Variants in NT5DC1 observed in about 807,000 individuals in gnomAD.
NT5DC1 encodes 5'-nucleotidase domain containing 1.
Under a neutral mutation model 59.4 loss-of-function variants are expected in NT5DC1, and 42 were observed. The ratio of observed to expected loss-of-function variants is 0.71; its 90% confidence interval spans 0.55 to 0.92. NT5DC1 has a LOEUF of 0.92. Among genes scored for constraint, NT5DC1 ranks in the 40% least tolerant of loss-of-function variants. NT5DC1 has a pLI of 0.00. For synonymous variants in NT5DC1, 172 were observed against 188.1 expected, an observed-to-expected ratio of 0.91 and a Z score of 0.70; for missense variants, 501 against 537.1, an observed-to-expected ratio of 0.93 and a Z score of 0.66.
At position 116,128,217 on chromosome 6, in the gene NT5DC1, C is replaced by A. The variant is rs555712413; in HGVS notation, c.529+10272C>A. 5.3e-5 allele frequency among the ~76,000 whole-genome samples: 8 copies of A among 152,266 alleles called. No homozygotes were observed. In the East Asian group the frequency reaches 1.3e-3, roughly 26 times the overall value. ...TATTGAATAAGCCTTGGACATTCAA[C>A]CCTTTTTGCAAATAGTGTACTTATT... On this transcript the variant is annotated intron_variant, in intron 6 of 11. Coordinates refer to ENST00000319550, the MANE Select transcript of NT5DC1 (RefSeq NM_152729.3).
intron 6 of NT5DC1, among the ~76,000 whole-genome samples, chr6:116,165,061 C>T (rs188631575): frequency 2.3e-4 from 32 of 136,562 alleles, no homozygotes; most frequent in Middle Eastern, 4.1e-3. Context: ...TGCACCACTG[C>T]GCTTCAGTCT....
chr6:116,147,610 G>T (rs1779931085), intron 6 of NT5DC1, among the ~76,000 whole-genome samples: 1 of 151,988 alleles, frequency 6.6e-6, no homozygotes, highest in Non-Finnish European at 1.5e-5. Context: ...AATTATAAAT[G>T]GCCTTAAACC....
Position 116,101,010 on chromosome 6 carries a change from C to G in NT5DC1, c.80C>G (p.Pro27Arg), listed in dbSNP as rs1778631678. 1.3e-6 allele frequency: 2 copies of G among 1,598,670 alleles called. No homozygotes were observed. Among genetic ancestry groups the G allele is most frequent in the Non-Finnish European group, 8.5e-7 (1 of 1,174,152 alleles). The change falls in exon 1 of 12, where the codon CCC (proline) becomes CGC (arginine). Residue 27 changes from proline (P) to arginine (R), a missense_variant. Coordinates refer to ENST00000319550, the MANE Select transcript of NT5DC1 (RefSeq NM_152729.3). Reference sequence around the variant, plus strand: ...CACACTCTGTGTCGCTACAACCTGCCCGAGAGCGCCCCGGTGAGTGGCGCG... The same window carrying G: ...CACACTCTGTGTCGCTACAACCTGCGCGAGAGCGCCCCGGTGAGTGGCGCG... ...LDHTLCRYNL[P>R]ESAPLIYNSF...
chr6:116,155,089 A>G (rs1039171331), intron 6 of NT5DC1, among the ~76,000 whole-genome samples: 1 of 152,198 alleles, frequency 6.6e-6, no homozygotes, highest in Admixed American at 6.5e-5. Flanking sequence ...TGCAAAAGTA[A>G]TTGCGGTTTT....
At chr6:116,138,664 G>A (rs1269106731) in intron 6 of NT5DC1, among the ~76,000 whole-genome samples, 1 of 152,116 alleles carries the variant, frequency 6.6e-6, no homozygotes, top group Non-Finnish European at 1.5e-5. Context: ...AGAATAGTAT[G>A]ACTAAAAACT....
chr6:116,115,478 C>G lies in NT5DC1; in HGVS notation c.365-213C>G, dbSNP rs561003795. On this transcript the variant is annotated intron_variant, in intron 4 of 11. Transcript: ENST00000319550. ...TATCTTCGAATACAATGCTTAACTT[C>G]TAGATATCATCTTTTAACTTTCTTG... Among the ~76,000 whole-genome samples the G allele has an allele frequency of 5.3e-4, 80 of 152,292 alleles. 1 individual carries two copies. The highest frequency in any genetic ancestry group is 6.8e-3 in the Middle Eastern group (2 of 294).
chr6:116,127,817 A>G (rs922977452), intron 6 of NT5DC1, among the ~76,000 whole-genome samples: 1 of 152,192 alleles, frequency 6.6e-6, no homozygotes, highest in Non-Finnish European at 1.5e-5. Context: ...GTGAACGTTC[A>G]GAAGACTAAT....
At chr6:116,166,842 A>G (rs1226571758) in intron 6 of NT5DC1, among the ~76,000 whole-genome samples, 1 of 152,210 alleles carries the variant, frequency 6.6e-6, no homozygotes, top group Non-Finnish European at 1.5e-5. Context: ...AGACGAAAGG[A>G]CTGAAATTCT....
chr6:116,116,164 G>T (rs187022174), intron 5 of NT5DC1, among the ~76,000 whole-genome samples: 70 of 151,926 alleles, frequency 4.6e-4, no homozygotes, highest in Non-Finnish European at 4.6e-4. Context: ...TAGAAAAATC[G>T]GATGAAATTT....
chr6:116,100,860 C>G lies in NT5DC1; in HGVS notation c.-71C>G. ...CGCCGCGTCCGGCCCGGTCCTGTCC[C>G]GCAGCGTCCCGCCAGCCAGCTCCTT... On this transcript the variant is annotated 5_prime_UTR_variant, in exon 1 of 12. Coordinates refer to ENST00000319550, the MANE Select transcript of NT5DC1 (RefSeq NM_152729.3). 1 of 1,230,928 alleles carries G rather than the reference C, an allele frequency of 8.1e-7. No individual in the cohort carries two copies. 76.3% of individuals were successfully genotyped at this position (1,230,928 alleles called of 1,614,324 possible).
Position 116,244,008 on chromosome 6 carries a change from C to CCAGTGG in NT5DC1, c.1352_1353insCAGTGG (p.Thr451_Leu452insSerGly). ...CCACTGGTCTTATCAAGTGATGAGA[C>CCAGTGG]ACTGATATCCAAATAAGTTGTCTTT... On this transcript the variant is annotated inframe_insertion, in exon 12 of 12. Coordinates refer to ENST00000319550, the MANE Select transcript of NT5DC1 (RefSeq NM_152729.3). 7.2e-7 allele frequency: 1 copy of CCAGTGG among 1,387,226 alleles called. No individual in the cohort carries two copies. Among genetic ancestry groups the CCAGTGG allele is most frequent in the Non-Finnish European group, 1.0e-6 (1 of 988,302 alleles). The allele number at this position is 1,387,226 out of a possible 1,614,324, so 85.9% of individuals were successfully genotyped here.
At chr6:116,131,388 T>TA (rs1400188566) in intron 6 of NT5DC1, among the ~76,000 whole-genome samples, 1 of 152,202 alleles carries the variant, frequency 6.6e-6, no homozygotes, top group Non-Finnish European at 1.5e-5. Context: ...TCCTTTTTAT[T>TA]AAAAAATGTA....
At chr6:116,138,554 G>A (rs1189735974) in intron 6 of NT5DC1, among the ~76,000 whole-genome samples, 1 of 151,912 alleles carries the variant, frequency 6.6e-6, no homozygotes, top group South Asian at 2.1e-4. Context: ...TAATTGAAAA[G>A]CAAATAGTGC....
rs1201780206 is a variant in NT5DC1 at position 116,242,452 on chromosome 6, C to T, written c.1253-1457C>T. ...GTTTGAAAGTTTAAATATCAAAAGA[C>T]GGACGAAATAATACCATGCTAACAG... On this transcript the variant is annotated intron_variant, in intron 11 of 11. Transcript: ENST00000319550. 3.4e-5 allele frequency among the ~76,000 whole-genome samples: 5 copies of T among 148,504 alleles called. No homozygotes were observed. The East Asian group carries it at 5.9e-4, about 17-fold the overall frequency.
intron 6 of NT5DC1, among the ~76,000 whole-genome samples, chr6:116,126,293 G>A (rs1047202039): frequency 6.6e-6 from 1 of 151,860 alleles, no homozygotes; most frequent in Non-Finnish European, 1.5e-5. Flanking sequence ...CCTTTTCCTT[G>A]TTTTCTTATT....
chr6:116,136,587 C>G (rs536038555), intron 6 of NT5DC1, among the ~76,000 whole-genome samples: 2 of 152,184 alleles, frequency 1.3e-5, no homozygotes, highest in Admixed American at 1.3e-4. Flanking sequence ...CCACATAACA[C>G]TTACTATAAA....
rs1781646998 is a variant in NT5DC1, at chr6:116,214,300, TATAAA to T, written c.530-6753_530-6749del. ...TCTTTATTCTCATATATATCCTTCT[TATAAA>T]GGAAATAAAAATAAATTCTATTTTA... On this transcript the variant is annotated intron_variant, in intron 6 of 11. Coordinates refer to ENST00000319550, the MANE Select transcript of NT5DC1 (RefSeq NM_152729.3). Among the ~76,000 whole-genome samples the T allele has an allele frequency of 1.6e-4, 24 of 152,246 alleles. No homozygotes were observed. In the South Asian group the frequency reaches 4.8e-3, roughly 30 times the overall value.
In NT5DC1 at chr6:116,238,971, C is replaced by T. The variant is rs536471818; in HGVS notation, c.1100C>T (p.Pro367Leu). The T allele has an allele frequency of 1.0e-5, 16 of 1,601,920 alleles. 1 individual carries two copies. Among genetic ancestry groups the T allele is most frequent in the Middle Eastern group, 1.7e-4 (1 of 6,058 alleles). ...KGKYEGPKAKPLNTSSKKWGS... is the reference protein window; with the variant it reads ...KGKYEGPKAKLLNTSSKKWGS... ...TTGTTTCAGGGACCAAAAGCAAAACCTTTAAATACTTCATCTAAAAAATGG... is the reference window on the plus strand; with the variant it reads ...TTGTTTCAGGGACCAAAAGCAAAACTTTTAAATACTTCATCTAAAAAATGG... The change falls in exon 11 of 12, where the codon CCT (proline) becomes CTT (leucine). Residue 367 changes from proline to leucine, a missense_variant. Transcript: ENST00000319550.
intron 6 of NT5DC1, chr6:116,125,788 C>A: frequency 3.7e-6 from 1 of 272,410 alleles, no homozygotes; most frequent in East Asian, 9.4e-5. Context: ...ATTAAATAAT[C>A]TAGGATCTTT....
Sources: allele counts gnomAD v4.1 joint callset (sites outside exome capture counted in the v4.1 genomes callset), GRCh38; gene constraint gnomAD v4.1.1; transcripts MANE v1.5; gene names NCBI Gene and HGNC (gene_info 2026-07-23, HGNC 2026-07-21).